WDR81: variants seen among roughly 807,000 people sequenced by gnomAD.
The protein encoded by WDR81 is WD repeat-containing protein 81.
A neutral mutation model predicts 140.8 loss-of-function variants in WDR81; 92 were observed. The ratio of observed to expected loss-of-function variants is 0.65; its 90% CI spans 0.55 to 0.78. The LOEUF is 0.78. WDR81 is among the 30% of genes least tolerant of loss of function. The pLI is 0.00. For synonymous variants in WDR81, 1,183 were observed against 1,156.4 expected (o/e 1.02, Z -0.47); for missense variants, 2,502 against 2,636.4 (o/e 0.95, Z 1.12).
At chr17:1,723,269 G>A (rs1044666350), upstream of WDR81, among the ~76,000 whole-genome samples, 8 of 152,084 alleles carry the variant, frequency 5.3e-5, no homozygotes, top group African/African-American at 9.7e-5. Context: ...CAGCTGGCAG[G>A]CTCTGTGGTA....
At chr17:1,723,447 A>T (rs988958234), upstream of WDR81, among the ~76,000 whole-genome samples, 13 of 129,902 alleles carry the variant, frequency 1.0e-4, no homozygotes, top group Admixed American at 1.5e-4. Flanking sequence ...TTTTATTTTT[A>T]TTTATTTATT....
At position 1,736,014 on chromosome 17, in the gene WDR81, C is replaced by A. The variant is rs369160890; in HGVS notation, c.5326-25C>A. The A allele has an allele frequency of 1.7e-5, 27 of 1,567,684 alleles. 1 individual carries two copies. The African/African-American group carries it at 1.9e-4, about 11-fold the overall frequency. On this transcript the variant is annotated intron_variant, in intron 8 of 9. Coordinates refer to ENST00000409644, the MANE Select transcript of WDR81 (RefSeq NM_001163809.2). ...AGTGTGAGATGGGAAGGTGGTGCCT[C>A]AGCTCAGCCGCCCTCTCCCTGCAGC... is the stretch of plus-strand genomic sequence containing the variant.
In WDR81 at chr17:1,735,009, G is replaced by A. The variant is rs530411605; in HGVS notation, c.5180-563G>A. Among the ~76,000 whole-genome samples, 65 of 152,094 alleles carry A rather than the reference G, an allele frequency of 4.3e-4. No individual in the cohort carries two copies. The highest frequency in any genetic ancestry group is 1.5e-3 in the African/African-American group (61 of 41,486). The stretch of plus-strand genomic sequence containing the variant: ...GAGCCTGGCCGGGCCATGGAAGCAG[G>A]AAGGTGGGAGAGTCAAGAAACATCT... On this transcript the variant is annotated intron_variant, in intron 7 of 9. Transcript: ENST00000409644. The surrounding 1 kb of genome is among the most constrained non-coding windows in gnomAD (Gnocchi z 4.2).
At chr17:1,717,645 C>T (rs1427153556) in intron 1 of WDR81, among the ~76,000 whole-genome samples, 3 of 152,184 alleles carry the variant, frequency 2.0e-5, no homozygotes, top group African/African-American at 7.2e-5. Context: ...CCACATCCTC[C>T]TCCTTGCTTA....
In WDR81 at chr17:1,728,637, A is replaced by AG. The variant is rs1567721689; in HGVS notation, c.3667+13dup. The stretch of plus-strand genomic sequence containing the variant: ...AGAAGATCCTCCTTGGTAAGTTCCC[A>AG]GGTCTGGGAGGTGTTGGTCAAAAAC... On this transcript the variant is annotated intron_variant, in intron 1 of 9. Coordinates refer to ENST00000409644, the MANE Select transcript of WDR81 (RefSeq NM_001163809.2). The AG allele has an allele frequency of 1.1e-5, 16 of 1,452,980 alleles. No individual in the cohort carries two copies. In the South Asian group the frequency reaches 2.3e-4, roughly 21 times the overall value. 90.0% of individuals were successfully genotyped at this position (1,452,980 alleles called of 1,614,324 possible). A position where few individuals can be genotyped will look rare whatever the true frequency, so the allele number is the denominator to read the frequency against.
upstream of WDR81, among the ~76,000 whole-genome samples, chr17:1,723,174 C>T (rs1249013368): frequency 6.6e-6 from 1 of 152,152 alleles, no homozygotes; most frequent in Non-Finnish European, 1.5e-5. Context: ...AATCATGTTG[C>T]TTTGGTGCCG....
Position 1,727,220 on chromosome 17 carries a change from A to G in WDR81, c.2261A>G (p.Gln754Arg). Residue 754 changes from glutamine (Q) to arginine (R), a missense_variant, in exon 1 of 10, where the codon CAG (glutamine) becomes CGG (arginine). Gln to Arg is a conservative substitution (Grantham distance 43). This residue lies in a region of WDR81 where 1,737 missense variants were observed against 1,843.0 expected (regional missense o/e 0.94). Coordinates refer to ENST00000409644, the MANE Select transcript of WDR81 (RefSeq NM_001163809.2). ...GGGGGCCTGTTGGAGGTGCCTGAGCAGCCCCGGGTCCAGCCGGCTGTGCCA... is the reference window on the plus strand; with the variant it reads ...GGGGGCCTGTTGGAGGTGCCTGAGCGGCCCCGGGTCCAGCCGGCTGTGCCA... Reference protein sequence around the residue: ...GLGGLLEVPEQPRVQPAVPLQ... With the variant: ...GLGGLLEVPERPRVQPAVPLQ... The G allele has an allele frequency of 6.5e-7, 1 of 1,550,242 alleles. No homozygotes were observed. Among genetic ancestry groups the G allele is most frequent in the Non-Finnish European group, 8.7e-7 (1 of 1,146,872 alleles).
chr17:1,734,045 C>A lies in WDR81; in HGVS notation c.5008C>A (p.Arg1670Ser), dbSNP rs755144200. ...EDFFLSGSKD[R>S]TVRLWPLYNY... ...CTTCTTCCTGAGCGGCAGCAAGGAT[C>A]GTACCGTGCGCCTCTGGCCGCTGTA... The change falls in exon 7 of 10, where the codon CGT becomes AGT. Residue 1670 changes from arginine (R) to serine (S), a missense_variant. Physicochemically the swap from Arg to Ser is moderately radical, Grantham distance 110 (BLOSUM62 -1). Transcript: ENST00000409644. The A allele has an allele frequency of 6.2e-7, 1 of 1,609,746 alleles. No homozygotes were observed. Among genetic ancestry groups the A allele is most frequent in the Non-Finnish European group, 8.5e-7 (1 of 1,179,952 alleles).
chr17:1,728,467 G>C lies in WDR81; in HGVS notation c.3508G>C (p.Gly1170Arg). The change falls in exon 1 of 10, where the codon GGG (glycine) becomes CGG (arginine). Residue 1170 changes from glycine to arginine, a missense_variant. Gly to Arg is a moderately radical substitution (Grantham distance 125). Coordinates refer to ENST00000409644, the MANE Select transcript of WDR81 (RefSeq NM_001163809.2). The part of the protein sequence containing the change: ...DSCVVLEEEE[G>R]EQEEVTGASE... ...CTGCGTGGTGCTAGAGGAGGAGGAG[G>C]GGGAGCAGGAGGAGGTCACCGGGGC... 1.9e-6 allele frequency: 3 copies of C among 1,609,832 alleles called. No individual in the cohort carries two copies. The highest frequency in any genetic ancestry group is 2.5e-6 in the Non-Finnish European group (3 of 1,177,606).
chr17:1,733,464 G>A, intron 6 of WDR81, 63 bp from the exon 7 acceptor site: 5 of 1,473,144 alleles, frequency 3.4e-6, no homozygotes, highest in Non-Finnish European at 4.5e-6. Context: ...CCGAGTCCTT[G>A]GATGGGTGAT....
At chr17:1,723,736 C>T (rs1915023310), upstream of WDR81, among the ~76,000 whole-genome samples, 1 of 151,882 alleles carries the variant, frequency 6.6e-6, no homozygotes, top group African/African-American at 2.4e-5. Flanking sequence ...CCAGCTGCCT[C>T]AGCCTCCCAA....
rs368541358 is a variant in WDR81, at chr17:1,730,498, C to T, written c.3775+11C>T. On this transcript the variant is annotated intron_variant, in intron 2 of 9. Coordinates refer to ENST00000409644, the MANE Select transcript of WDR81 (RefSeq NM_001163809.2). ...CGTCTTGTTATGTTGGTAAGGAGGC[C>T]TGCGGTCAGTGCTGGAGATGAGGCT... 331 of 1,610,332 alleles carry T rather than the reference C, an allele frequency of 2.1e-4. No homozygotes were observed. The highest frequency in any genetic ancestry group is 2.7e-4 in the Non-Finnish European group (313 of 1,178,336).
chr17:1,725,001 C>A lies in WDR81; in HGVS notation c.42C>A (p.Thr14=). ...GSGGREGALR[T]PAGGWHSPPS... ...GGGGGCGGGAAGGCGCTCTCAGAAC[C>A]CCGGCCGGGGGCTGGCATTCCCCGC... The change falls in exon 1 of 10, where the codon ACC becomes ACA. Residue 14 remains threonine (T), a synonymous_variant. Transcript: ENST00000409644. The A allele has an allele frequency of 3.4e-6, 5 of 1,469,004 alleles. No homozygotes were observed. The highest frequency in any genetic ancestry group is 4.5e-6 in the Non-Finnish European group (5 of 1,113,026). The allele number at this position is 1,469,004 out of a possible 1,614,324, so 91.0% of individuals were successfully genotyped here. A position where few individuals can be genotyped will look rare whatever the true frequency, so the allele number is the denominator to read the frequency against.
In WDR81 at chr17:1,726,778, A is replaced by C. The variant is rs919098997; in HGVS notation, c.1819A>C (p.Lys607Gln). 4 of 1,548,400 alleles carry C rather than the reference A, an allele frequency of 2.6e-6. No individual in the cohort carries two copies. The African/African-American group carries it at 5.5e-5, about 21-fold the overall frequency. ...ALAPEPPLIP[K>Q]LLVQTIQETT... The stretch of plus-strand genomic sequence containing the variant: ...TGCCCCCGAGCCTCCCCTCATCCCC[A>C]AGCTGTTGGTCCAGACCATCCAGGA... The change falls in exon 1 of 10, where the codon AAG (lysine) becomes CAG (glutamine). Residue 607 changes from lysine (K) to glutamine (Q), a missense_variant. By Grantham distance (53) the Lys-to-Gln change is moderately conservative. This residue lies in a region of WDR81 where 1,737 missense variants were observed against 1,843.0 expected (regional missense o/e 0.94). Coordinates refer to ENST00000409644, the MANE Select transcript of WDR81 (RefSeq NM_001163809.2).
chr17:1,725,698 A>G lies in WDR81; in HGVS notation c.739A>G (p.Thr247Ala). The part of the protein sequence containing the change: ...YVQFSLHDVV[T>A]FSPAKLTNSQ... ...ACAGTTCTCCCTACATGACGTGGTC[A>G]CCTTCAGCCCTGCCAAGCTGACCAA... Residue 247 changes from threonine (T) to alanine (A), a missense_variant, in exon 1 of 10, where the codon ACC (threonine) becomes GCC (alanine). Physicochemically the swap from Thr to Ala is moderately conservative, Grantham distance 58. Coordinates refer to ENST00000409644, the MANE Select transcript of WDR81 (RefSeq NM_001163809.2). The G allele has an allele frequency of 1.9e-6, 3 of 1,549,710 alleles. No homozygotes were observed. Among genetic ancestry groups the G allele is most frequent in the Non-Finnish European group, 2.6e-6 (3 of 1,147,008 alleles).
At chr17:1,718,883 G>A (rs4790814) in intron 1 of WDR81, among the ~76,000 whole-genome samples, 71,090 of 151,832 alleles carry the variant, frequency 0.47, 17,550 homozygotes, top group East Asian at 0.74. Context: ...CACAGGCTTC[G>A]AGTCCAGGGT....
chr17:1,730,252 G>C (rs1915597170), intron 1 of WDR81, 128 bp from the exon 2 acceptor site: 1 of 735,732 alleles, frequency 1.4e-6, no homozygotes, highest in Non-Finnish European at 2.2e-6. Flanking sequence ...GTGTGGGACA[G>C]CCGGCCCGGG....
chr17:1,733,565 G>A lies in WDR81; in HGVS notation c.4528G>A (p.Val1510Ile), dbSNP rs775445261. 1 of 1,524,820 alleles carries A rather than the reference G, an allele frequency of 6.6e-7. No individual in the cohort carries two copies. The highest frequency in any genetic ancestry group is 8.8e-7 in the Non-Finnish European group (1 of 1,137,284). 94.5% of individuals were successfully genotyped at this position (1,524,820 alleles called of 1,614,324 possible). A position where few individuals can be genotyped will look rare whatever the true frequency, so the allele number is the denominator to read the frequency against. ...IRKIIPNHEL[V>I]GELAALYLES... ...GAAAATCATCCCCAACCACGAGCTG[G>A]TTGGGGAGCTGGCGGCGCTGTACTT... Residue 1510 changes from valine (V) to isoleucine (I), a missense_variant, in exon 7 of 10, where the codon GTT becomes ATT. Transcript: ENST00000409644.
In WDR81 at chr17:1,727,250, A is replaced by G; in HGVS notation, c.2291A>G (p.Gln764Arg). The change falls in exon 1 of 10, where the codon CAG becomes CGG. Residue 764 changes from glutamine (Q) to arginine (R), a missense_variant. Coordinates refer to ENST00000409644, the MANE Select transcript of WDR81 (RefSeq NM_001163809.2). ...CGGGTCCAGCCGGCTGTGCCACTGC[A>G]GTGCCTACTCCACAGGGACATGCAG... ...QPRVQPAVPL[Q>R]CLLHRDMQAL... The G allele has an allele frequency of 6.5e-7, 1 of 1,550,344 alleles. No homozygotes were observed. The highest frequency in any genetic ancestry group is 8.7e-7 in the Non-Finnish European group (1 of 1,146,968).
Sources: gnomAD v4.1 joint callset for allele counts (sites outside exome capture counted in the v4.1 genomes callset) on GRCh38, gnomAD v4.1.1 for gene constraint, gnomAD v4.1.1 regional missense constraint, Gnocchi (gnomAD v3.1) non-coding constraint, MANE v1.5 for transcripts, NCBI Gene and HGNC (gene_info 2026-07-23, HGNC 2026-07-21) for gene names.